BRPF3: variants seen among roughly 807,000 people sequenced by gnomAD.
BRPF3 encodes the protein bromodomain and PHD finger containing 3.
Under a neutral mutation model 102.0 loss-of-function variants are expected in BRPF3, and 18 were observed. That is an observed-to-expected ratio of 0.18 (90% CI 0.12 to 0.26). The LOEUF is 0.26. BRPF3 is among the 10% of genes least tolerant of loss of function. The probability of loss-of-function intolerance (pLI) is 1.00; values close to 1 mark genes in which losing one functional copy is unlikely to be tolerated. For synonymous variants in BRPF3, 570 were observed against 614.2 expected (o/e 0.93, Z 1.06); for missense variants, 1,147 against 1,567.8 (o/e 0.73, Z 4.53).
At chr6:36,205,344 TC>T (rs1419438762) in intron 3 of BRPF3, among the ~76,000 whole-genome samples, 1 of 152,202 alleles carries the variant, frequency 6.6e-6, no homozygotes, top group Non-Finnish European at 1.5e-5. Context: ...TAGTTCTTTC[TC>T]CCCCTTTACC....
Position 36,225,204 on chromosome 6 carries a change from G to A in BRPF3, c.3182-63G>A, listed in dbSNP as rs1007157000. ...CCCAGTCAAGTGGAGGCCACAGGCA[G>A]GCCTTTTGGGCACCATTCCAAGTCC... is the stretch of plus-strand genomic sequence containing the variant. On this transcript the variant is annotated intron_variant, in intron 10 of 12. Coordinates refer to ENST00000357641, the MANE Select transcript of BRPF3 (RefSeq NM_015695.3). 3 of 1,420,558 alleles carry A rather than the reference G, an allele frequency of 2.1e-6. No homozygotes were observed. In the African/African-American group the frequency reaches 4.2e-5, roughly 20 times the overall value. 88.0% of individuals were successfully genotyped at this position (1,420,558 alleles called of 1,614,324 possible). A position where few individuals can be genotyped will look rare whatever the true frequency, so the allele number is the denominator to read the frequency against.
At chr6:36,220,330 A>G (rs1327255710) in intron 9 of BRPF3, among the ~76,000 whole-genome samples, 7 of 152,232 alleles carry the variant, frequency 4.6e-5, no homozygotes, top group African/African-American at 7.2e-5. Flanking sequence ...CAATAACTAC[A>G]GCTGTGTTTA....
rs772273605 is a variant in BRPF3, at chr6:36,200,588, A to G, written c.266A>G (p.Lys89Arg). The G allele has an allele frequency of 6.2e-7, 1 of 1,614,236 alleles. No homozygotes were observed. Among genetic ancestry groups the G allele is most frequent in the South Asian group, 1.1e-5 (1 of 91,092 alleles). Residue 89 changes from lysine (K) to arginine (R), a missense_variant, in exon 2 of 13, where the codon AAG (lysine) becomes AGG (arginine). Lys to Arg is a conservative substitution (Grantham distance 26, BLOSUM62 2). Coordinates refer to ENST00000357641, the MANE Select transcript of BRPF3 (RefSeq NM_015695.3). This position sits in a 1 kb window ranked among gnomAD's most constrained non-coding sequence, Gnocchi z 5.3. Reference sequence around the variant, plus strand: ...AGTGAACAGCCTCAGTTCCCTGGCAAGTCCAAGAAACCCTCATCCAAGGGC... The same window carrying G: ...AGTGAACAGCCTCAGTTCCCTGGCAGGTCCAAGAAACCCTCATCCAAGGGC... ...ENSEQPQFPG[K>R]SKKPSSKGKK...
chr6:36,197,273 G>C (rs927881532), intron 1 of BRPF3: 3 of 151,840 alleles, frequency 2.0e-5, no homozygotes, highest in African/African-American at 7.3e-5. Context: ...CCAGACGAGA[G>C]TCCCGCCCCT....
chr6:36,212,516 A>G (rs1192039069), intron 7 of BRPF3, among the ~76,000 whole-genome samples: 1 of 145,084 alleles, frequency 6.9e-6, no homozygotes, highest in Non-Finnish European at 1.5e-5. Flanking sequence ...TTGTATCCCT[A>G]CTTCTGGGGC....
Position 36,217,929 on chromosome 6 carries a change from G to A in BRPF3, c.3002G>A (p.Gly1001Asp), listed in dbSNP as rs1336208787. The part of the protein sequence containing the change: ...QQEEETGMTN[G>D]FGKHTESGSD... ...GTGTCCTTGGCAGGCATGACCAACGGCTTTGGAAAACACACCGAAAGCGGG... is the reference window on the plus strand; with the variant it reads ...GTGTCCTTGGCAGGCATGACCAACGACTTTGGAAAACACACCGAAAGCGGG... The change falls in exon 9 of 13, where the codon GGC (glycine) becomes GAC (aspartate). Residue 1001 changes from glycine (G) to aspartate (D), a missense_variant. By Grantham distance (94) the Gly-to-Asp change is moderately conservative. This residue lies in a region of BRPF3 where 379 missense variants were observed against 426.3 expected (regional missense o/e 0.89). Transcript: ENST00000357641. 5 of 1,612,944 alleles carry A rather than the reference G, an allele frequency of 3.1e-6. No homozygotes were observed. Among genetic ancestry groups the A allele is most frequent in the African/African-American group, 1.3e-5 (1 of 74,816 alleles).
At position 36,211,071 on chromosome 6, in the gene BRPF3, GAC is replaced by G. The variant is rs1768087564; in HGVS notation, c.2180-186_2180-185del. 17 of 649,242 alleles carry G rather than the reference GAC, an allele frequency of 2.6e-5. No individual in the cohort carries two copies. In the Admixed American group the frequency reaches 4.9e-4, roughly 19 times the overall value. 40.2% of individuals were successfully genotyped at this position (649,242 alleles called of 1,614,324 possible). A position where few individuals can be genotyped will look rare whatever the true frequency, so the allele number is the denominator to read the frequency against. ...TTCCTGCAGACGTTTCCCAGATTCT[GAC>G]CTTGCCCCTGTGGCTGCCTTCTGGG... On this transcript the variant is annotated intron_variant, in intron 6 of 12. Transcript: ENST00000357641.
chr6:36,203,207 GA>G (rs1434627960), intron 2 of BRPF3, among the ~76,000 whole-genome samples: 4 of 152,306 alleles, frequency 2.6e-5, no homozygotes, highest in African/African-American at 9.6e-5. Flanking sequence ...ACCTACATTT[GA>G]AACCCAATTC....
In BRPF3 at chr6:36,213,927, G is replaced by T. The variant is rs1261739988; in HGVS notation, c.2530G>T (p.Ala844Ser). The T allele has an allele frequency of 3.1e-6, 5 of 1,613,944 alleles. No homozygotes were observed. The highest frequency in any genetic ancestry group is 4.2e-6 in the Non-Finnish European group (5 of 1,179,926). ...GCCAACCCTGGAGCCCACTGGGCCT[G>T]CACCTTCCTTGTCTGAGCAAGAATC... Reference protein sequence around the residue: ...PPPTLEPTGPAPSLSEQESPP... With the variant: ...PPPTLEPTGPSPSLSEQESPP... Residue 844 changes from alanine to serine, a missense_variant, in exon 8 of 13, where the codon GCA (alanine) becomes TCA (serine). Coordinates refer to ENST00000357641, the MANE Select transcript of BRPF3 (RefSeq NM_015695.3).
At chr6:36,211,123 C>G in intron 6 of BRPF3, 135 bp from the exon 7 acceptor site, 1 of 1,018,758 alleles carries the variant, frequency 9.8e-7, no homozygotes, top group Non-Finnish European at 1.4e-6. Flanking sequence ...GGCCAAGGCC[C>G]ACAGTGACGC....
chr6:36,200,674 A>G lies in BRPF3; in HGVS notation c.352A>G (p.Ser118Gly), dbSNP rs750448344. 1 of 1,614,190 alleles carries G rather than the reference A, an allele frequency of 6.2e-7. No homozygotes were observed. The highest frequency in any genetic ancestry group is 1.1e-5 in the South Asian group (1 of 91,080). The change falls in exon 2 of 13, where the codon AGC becomes GGC. Residue 118 changes from serine to glycine, a missense_variant. Ser to Gly is a moderately conservative substitution (Grantham distance 56). This residue lies in a region of BRPF3 where 221 missense variants were observed against 337.1 expected (regional missense o/e 0.66). Transcript: ENST00000357641. The surrounding 1 kb of genome is among the most constrained non-coding windows in gnomAD (Gnocchi z 5.3). ...TACTTCCTTCCACCTCCCACAGCCCAGCTTCCGTATGGTGGACTCAGGCAT... is the reference window on the plus strand; with the variant it reads ...TACTTCCTTCCACCTCCCACAGCCCGGCTTCCGTATGGTGGACTCAGGCAT... ...SGTSFHLPQP[S>G]FRMVDSGIQP...
At position 36,214,366 on chromosome 6, in the gene BRPF3, C is replaced by G; in HGVS notation, c.2969C>G (p.Pro990Arg). 1 of 1,588,918 alleles carries G rather than the reference C, an allele frequency of 6.3e-7. No homozygotes were observed. The highest frequency in any genetic ancestry group is 8.6e-7 in the Non-Finnish European group (1 of 1,167,462). ...SCSESEGERS[P>R]QQEEETGMTN... Reference sequence around the variant, plus strand: ...AGTGAGAGCGAAGGGGAGAGGTCCCCCCAGCAGGAGGAAGAGACAGGTGAC... The same window carrying G: ...AGTGAGAGCGAAGGGGAGAGGTCCCGCCAGCAGGAGGAAGAGACAGGTGAC... Residue 990 changes from proline (P) to arginine (R), a missense_variant, in exon 8 of 13, where the codon CCC (proline) becomes CGC (arginine). Pro to Arg is a moderately radical substitution (Grantham distance 103). This residue lies in a region of BRPF3 where 379 missense variants were observed against 426.3 expected (regional missense o/e 0.89). Transcript: ENST00000357641.
In BRPF3 at chr6:36,210,454, A is replaced by G. The variant is rs13196796; in HGVS notation, c.2105A>G (p.Tyr702Cys). ...CGGCGGCAGGCAGAGAACATCGGCT[A>G]TGACCCCGAGAGGGGCACTCACCTG... ...HARRQAENIG[Y>C]DPERGTHLPE... The change falls in exon 6 of 13, where the codon TAT becomes TGT. Residue 702 changes from tyrosine to cysteine, a missense_variant. Coordinates refer to ENST00000357641, the MANE Select transcript of BRPF3 (RefSeq NM_015695.3). This position sits in a 1 kb window ranked among gnomAD's most constrained non-coding sequence, Gnocchi z 4.7. 2 of 1,609,404 alleles carry G rather than the reference A, an allele frequency of 1.2e-6. No individual in the cohort carries two copies. The highest frequency in any genetic ancestry group is 8.5e-7 in the Non-Finnish European group (1 of 1,179,992).
chr6:36,201,693 G>C lies in BRPF3; in HGVS notation c.1371G>C (p.Lys457Asn). ...AGATGAGTTTGAAGCAGAAGATCAA[G>C]AAGGAGCCAGAGGAAGCAGGCCAAG... ...KSKMSLKQKIKKEPEEAGQDT... is the reference protein window; with the variant it reads ...KSKMSLKQKINKEPEEAGQDT... Residue 457 changes from lysine to asparagine, a missense_variant, in exon 2 of 13, where the codon AAG (lysine) becomes AAC (asparagine). This residue lies in a region of BRPF3 where 157 missense variants were observed against 163.6 expected (regional missense o/e 0.96). Coordinates refer to ENST00000357641, the MANE Select transcript of BRPF3 (RefSeq NM_015695.3). This position sits in a 1 kb window ranked among gnomAD's most constrained non-coding sequence, Gnocchi z 5.1. 6.2e-7 allele frequency: 1 copy of C among 1,614,198 alleles called. No individual in the cohort carries two copies. Among genetic ancestry groups the C allele is most frequent in the Non-Finnish European group, 8.5e-7 (1 of 1,180,012 alleles).
chr6:36,201,173 A>T lies in BRPF3; in HGVS notation c.851A>T (p.Asp284Val). ...GGTGGCGCCTTCAAACAGACCAGTG[A>T]TGGGCACTGGGCCCATGTGGTGTGT... ...NKGGAFKQTSDGHWAHVVCAI... is the reference protein window; with the variant it reads ...NKGGAFKQTSVGHWAHVVCAI... The change falls in exon 2 of 13, where the codon GAT becomes GTT. Residue 284 changes from aspartate (D) to valine (V), a missense_variant. Transcript: ENST00000357641. The surrounding 1 kb of genome is among the most constrained non-coding windows in gnomAD (Gnocchi z 5.1). The T allele has an allele frequency of 6.2e-7, 1 of 1,614,132 alleles. No homozygotes were observed. The highest frequency in any genetic ancestry group is 8.5e-7 in the Non-Finnish European group (1 of 1,180,022).
At position 36,221,164 on chromosome 6, in the gene BRPF3, G is replaced by A. The variant is rs1416749184; in HGVS notation, c.3084-1004G>A. 2.0e-5 allele frequency among the ~76,000 whole-genome samples: 3 copies of A among 151,966 alleles called. No individual in the cohort carries two copies. In the South Asian group the frequency reaches 6.2e-4, roughly 31 times the overall value. On this transcript the variant is annotated intron_variant, in intron 9 of 12. Transcript: ENST00000357641. The stretch of plus-strand genomic sequence containing the variant: ...GAAAATACTGATGATGCCCGGGTGG[G>A]CTTCAGTTGCAACATTGCTTTGGTA...
intron 4 of BRPF3, among the ~76,000 whole-genome samples, chr6:36,208,226 T>C (rs995285307): frequency 6.6e-6 from 1 of 152,224 alleles, no homozygotes; most frequent in Non-Finnish European, 1.5e-5. Flanking sequence ...CTGAAGTGTC[T>C]ACTGCACATG....
chr6:36,200,362 G>T lies in BRPF3; in HGVS notation c.40G>T (p.Gly14Cys). 1 of 1,614,204 alleles carries T rather than the reference G, an allele frequency of 6.2e-7. No homozygotes were observed. The change falls in exon 2 of 13, where the codon GGC (glycine) becomes TGC (cysteine). Residue 14 changes from glycine (G) to cysteine (C), a missense_variant. Physicochemically the swap from Gly to Cys is radical, Grantham distance 159. Around this residue, in one of 11 missense-constraint regions of BRPF3, gnomAD observed 38 missense variants for 34.3 expected, o/e 1.11. Coordinates refer to ENST00000357641, the MANE Select transcript of BRPF3 (RefSeq NM_015695.3). This position sits in a 1 kb window ranked among gnomAD's most constrained non-coding sequence, Gnocchi z 5.3. ...PRRKSRQNAEGRRSPSPYSLK... is the reference protein window; with the variant it reads ...PRRKSRQNAECRRSPSPYSLK... ...TCGGAAGTCCCGGCAGAATGCCGAG[G>T]GCCGGCGTTCCCCGTCCCCCTACAG...
intron 8 of BRPF3, 104 bp downstream of exon 8, chr6:36,214,490 G>A: frequency 7.5e-7 from 1 of 1,338,290 alleles, no homozygotes; most frequent in Non-Finnish European, 9.9e-7. Context: ...TGGCACCATT[G>A]GACAGCAATA....
Sources: allele counts gnomAD v4.1 joint callset (sites outside exome capture counted in the v4.1 genomes callset), GRCh38; gene constraint gnomAD v4.1.1; regional missense constraint gnomAD v4.1.1; non-coding constraint Gnocchi (gnomAD v3.1); transcripts MANE v1.5; gene names NCBI Gene and HGNC (gene_info 2026-07-23, HGNC 2026-07-21).